LSM14A: variants seen among roughly 807,000 people sequenced by gnomAD.
The protein encoded by LSM14A is protein LSM14 homolog A.
A neutral mutation model predicts 52.4 loss-of-function variants in LSM14A; 14 were observed. That is an observed-to-expected ratio of 0.27 (90% CI 0.18 to 0.42). The LOEUF (loss-of-function observed/expected upper bound fraction) is 0.42. Among genes scored for constraint, LSM14A ranks in the 10% least tolerant of loss-of-function variants. The pLI is 1.00. For missense variants in LSM14A, 417 were observed against 581.8 expected (o/e 0.72, Z 2.91); for synonymous variants, 185 against 200.3 (o/e 0.92, Z 0.64).
At chr19:34,197,439 T>C (rs1179479697) in intron 3 of LSM14A, among the ~76,000 whole-genome samples, 32 of 136,670 alleles carry the variant, frequency 2.3e-4, no homozygotes, top group Admixed American at 1.2e-3. Flanking sequence ...TTCTTTTTTT[T>C]TTTTTTTTTT....
chr19:34,206,847 A>C (rs2071739243), intron 3 of LSM14A, among the ~76,000 whole-genome samples: 1 of 152,222 alleles, frequency 6.6e-6, no homozygotes, highest in Admixed American at 6.5e-5. Flanking sequence ...AGAAGCCAGC[A>C]CTTCAGAAGA....
intron 9 of LSM14A, among the ~76,000 whole-genome samples, chr19:34,225,464 G>A (rs1195673167): frequency 6.6e-6 from 1 of 152,194 alleles, no homozygotes; most frequent in Non-Finnish European, 1.5e-5. Flanking sequence ...GGACATGGAT[G>A]ACATTTCTGC....
chr19:34,197,551 G>T (rs2070950463), intron 3 of LSM14A, among the ~76,000 whole-genome samples: 1 of 141,184 alleles, frequency 7.1e-6, no homozygotes, highest in African/African-American at 2.6e-5. Context: ...CAGTGCTCCT[G>T]CCTCAGCCTC....
intron 8 of LSM14A, 121 bp downstream of exon 8, chr19:34,219,998 C>A: frequency 1.3e-6 from 1 of 742,852 alleles, no homozygotes; most frequent in Non-Finnish European, 2.2e-6. Context: ...TTGAGACAGT[C>A]TTACTCTGTT....
At chr19:34,173,315 G>A (rs991047479) in intron 1 of LSM14A, among the ~76,000 whole-genome samples, 3 of 152,088 alleles carry the variant, frequency 2.0e-5, no homozygotes, top group African/African-American at 7.2e-5. Context: ...CATCTCCCTC[G>A]GCTCATCCTC....
At chr19:34,192,328 T>TG (rs1555767863) in intron 1 of LSM14A, among the ~76,000 whole-genome samples, 2 of 126,690 alleles carry the variant, frequency 1.6e-5, no homozygotes, top group African/African-American at 2.8e-5. Context: ...TGTTTTTTTT[T>TG]TTTTTTTTTT....
chr19:34,179,339 G>C (rs887827094), intron 1 of LSM14A, among the ~76,000 whole-genome samples: 1 of 152,194 alleles, frequency 6.6e-6, no homozygotes, highest in African/African-American at 2.4e-5. Context: ...GGAGAGAGTG[G>C]AAGAGCTTTG....
At chr19:34,193,255 C>T (rs1449378599) in intron 1 of LSM14A, among the ~76,000 whole-genome samples, 2 of 152,202 alleles carry the variant, frequency 1.3e-5, no homozygotes, top group East Asian at 1.9e-4. Flanking sequence ...CAGGCTCAAG[C>T]GATCCTCATA....
intron 3 of LSM14A, among the ~76,000 whole-genome samples, chr19:34,204,424 C>A (rs1341475560): frequency 6.6e-6 from 1 of 151,936 alleles, no homozygotes; most frequent in Non-Finnish European, 1.5e-5. Context: ...TATTTTAAAT[C>A]TAGACCAGAT....
intron 3 of LSM14A, among the ~76,000 whole-genome samples, chr19:34,204,185 T>C (rs189932981): frequency 6.6e-6 from 1 of 152,292 alleles, no homozygotes; most frequent in East Asian, 1.9e-4. Context: ...TTGCAGAATA[T>C]TGTTTTAAGT....
chr19:34,186,630 A>T (rs1477728162), intron 1 of LSM14A, among the ~76,000 whole-genome samples: 5 of 152,184 alleles, frequency 3.3e-5, no homozygotes, highest in Non-Finnish European at 7.3e-5. Flanking sequence ...GAAATTTAGG[A>T]TAGGGGGAGA....
chr19:34,226,336 AT>A (rs1387971286), intron 9 of LSM14A: 8 of 1,340,662 alleles, frequency 6.0e-6, no homozygotes, highest in Admixed American at 3.1e-5. Context: ...TCCCCCTTTC[AT>A]TTTCTCCTTT....
chr19:34,195,662 C>T (rs1160167765), intron 2 of LSM14A, among the ~76,000 whole-genome samples: 1 of 152,078 alleles, frequency 6.6e-6, no homozygotes, highest in African/African-American at 2.4e-5. Flanking sequence ...TGAAAGGAAG[C>T]CTGAAGTGGA....
intron 1 of LSM14A, among the ~76,000 whole-genome samples, chr19:34,175,283 T>G (rs1308953217): frequency 2.0e-5 from 3 of 151,944 alleles, no homozygotes; most frequent in Non-Finnish European, 4.4e-5. Context: ...CAGGCCGGAG[T>G]GCAGTGGCAC....
In LSM14A at chr19:34,227,568, G is replaced by T; in HGVS notation, c.*180G>T. ...AAAGATAAAATGCAGTTACTTTTGG[G>T]GGTGGAAGGCTCATCTTAAAACATG... is the stretch of plus-strand genomic sequence containing the variant. On this transcript the variant is annotated 3_prime_UTR_variant, in exon 10 of 10. Coordinates refer to ENST00000544216, the MANE Select transcript of LSM14A (RefSeq NM_015578.4). 1.9e-6 allele frequency: 1 copy of T among 523,978 alleles called. No individual in the cohort carries two copies. Among genetic ancestry groups the T allele is most frequent in the East Asian group, 3.3e-5 (1 of 30,170 alleles). The allele number at this position is 523,978 out of a possible 1,614,324, so 32.5% of individuals were successfully genotyped here.
intron 1 of LSM14A, among the ~76,000 whole-genome samples, chr19:34,183,702 A>G (rs2069674190): frequency 6.6e-6 from 1 of 152,204 alleles, no homozygotes; most frequent in Non-Finnish European, 1.5e-5. Context: ...TCAGTGGGAA[A>G]AGCCAAGATG....
At chr19:34,206,305 A>G (rs2071691107) in intron 3 of LSM14A, among the ~76,000 whole-genome samples, 1 of 152,142 alleles carries the variant, frequency 6.6e-6, no homozygotes, top group African/African-American at 2.4e-5. Flanking sequence ...CAGGAGTTCA[A>G]GGCTGCAGTG....
chr19:34,218,188 T>C (rs1397732125), intron 6 of LSM14A, among the ~76,000 whole-genome samples: 1 of 151,906 alleles, frequency 6.6e-6, no homozygotes. Flanking sequence ...GTATTTTTAG[T>C]AGAGATGGGG....
chr19:34,172,891 C>T (rs2068801815), intron 1 of LSM14A, 128 bp downstream of exon 1: 2 of 1,127,536 alleles, frequency 1.8e-6, no homozygotes, highest in Non-Finnish European at 2.4e-6. Context: ...TCTCGCCTCC[C>T]TTCTCCGGGC....
Sources: allele counts gnomAD v4.1 joint callset (sites outside exome capture counted in the v4.1 genomes callset), GRCh38; gene constraint gnomAD v4.1.1; transcripts MANE v1.5; gene names NCBI Gene and HGNC (gene_info 2026-07-23, HGNC 2026-07-21).